The following FANCI variants were observed in gnomAD, a reference collection of about 807,000 sequenced individuals.
FANCI encodes the protein FA complementation group I, also known as Fanconi anemia group I protein.
In FANCI, 156 loss-of-function variants were observed where a neutral mutation model predicts 176.1. The observed-to-expected ratio is 0.89, with a 90% confidence interval of 0.78 to 1.01. The LOEUF is 1.01. Among genes scored for constraint, FANCI ranks in the 50% least tolerant of loss-of-function variants. The pLI is 0.00. For missense variants in FANCI, 1,678 were observed against 1,534.1 expected (o/e 1.09, Z -1.57); for synonymous variants, 613 against 541.7 (o/e 1.13, Z -1.83).
intron 9 of FANCI, 44 bp downstream of exon 9, chr15:89,264,651 A>T (rs750071895): frequency 1.3e-6 from 2 of 1,531,456 alleles, no homozygotes; most frequent in Non-Finnish European, 1.8e-6. Context: ...TTACAAATTC[A>T]TCTTCTCATT....
At chr15:89,291,834 T>C (rs2054082129) in intron 20 of FANCI, 120 bp downstream of exon 20, 3 of 811,314 alleles carry the variant, frequency 3.7e-6, no homozygotes, top group African/African-American at 1.7e-5. Flanking sequence ...AATGTTTACT[T>C]TTAAGTCTTC....
At position 89,303,930 on chromosome 15, in the gene FANCI, A is replaced by G. The variant is rs2054616926; in HGVS notation, c.3058+15A>G. 1.2e-6 allele frequency: 2 copies of G among 1,612,764 alleles called. No individual in the cohort carries two copies. The highest frequency in any genetic ancestry group is 1.7e-5 in the Admixed American group (1 of 60,006). ...AAACAGCCGGGGTAAGTTTACTGCCATGTTTTCCTAAAGGCTTTATATAAA... is the reference window on the plus strand; with the variant it reads ...AAACAGCCGGGGTAAGTTTACTGCCGTGTTTTCCTAAAGGCTTTATATAAA... On this transcript the variant is annotated intron_variant, in intron 28 of 37. Coordinates refer to ENST00000310775, the MANE Select transcript of FANCI (RefSeq NM_001113378.2).
rs139396258 is a variant in FANCI, at chr15:89,290,589, GA to G, written c.1890+311del. ...ACTGTATCCATTATGTTATATTTCT[GA>G]AAGAAAAAAGAAATCCAAAACAAAT... On this transcript the variant is annotated intron_variant, in intron 19 of 37. Transcript: ENST00000310775. The G allele has an allele frequency of 3.6e-3, 993 of 275,054 alleles. 5 individuals carry two copies. Among genetic ancestry groups the G allele is most frequent in the African/African-American group, 0.02 (920 of 46,312 alleles). The allele number at this position is 275,054 out of a possible 1,614,324, so 17.0% of individuals were successfully genotyped here. A position where few individuals can be genotyped will look rare whatever the true frequency, so the allele number is the denominator to read the frequency against.
At chr15:89,309,667 G>A (rs540580924) in intron 34 of FANCI, among the ~76,000 whole-genome samples, 4 of 152,264 alleles carry the variant, frequency 2.6e-5, no homozygotes, top group African/African-American at 9.6e-5. Context: ...AGGCTGCAGT[G>A]AGCCATGATC....
In FANCI at chr15:89,278,707, A is replaced by T. The variant is rs765785557; in HGVS notation, c.1314A>T (p.Gln438His). ...ETFKIHEMIR[Q>H]EILEQVLNRV... is the part of the protein sequence containing the mutation. ...TTTAGATCCATGAGATGATCAGACA[A>T]GAAATTTTGGAGCAGGTCCTCAACA... is the stretch of plus-strand genomic sequence containing the variant. Residue 438 changes from glutamine to histidine, a missense_variant, in exon 14 of 38, where the codon CAA becomes CAT. By Grantham distance (24) the Gln-to-His change is conservative (BLOSUM62 0). Around this residue, in one of 3 missense-constraint regions of FANCI, gnomAD observed 1,204 missense variants for 1,077.4 expected, o/e 1.12. Transcript: ENST00000310775. The T allele has an allele frequency of 1.2e-6, 2 of 1,613,894 alleles. No homozygotes were observed. The highest frequency in any genetic ancestry group is 2.2e-5 in the South Asian group (2 of 91,084).
chr15:89,258,069 AT>A (rs113274691), intron 2 of FANCI, among the ~76,000 whole-genome samples: 6,816 of 144,432 alleles, frequency 0.047, 489 homozygotes, highest in African/African-American at 0.15. Flanking sequence ...AGCCATGTTG[AT>A]TTTTTTTTTT....
chr15:89,256,968 G>A (rs1254519353), intron 2 of FANCI, among the ~76,000 whole-genome samples: 5 of 152,096 alleles, frequency 3.3e-5, no homozygotes, highest in African/African-American at 1.2e-4. Context: ...GTGCAGGGGC[G>A]TGAGCTCGGC....
At chr15:89,291,476 T>C (rs1480554572) in intron 19 of FANCI, 137 bp from the exon 20 acceptor site, 2 of 715,902 alleles carry the variant, frequency 2.8e-6, no homozygotes, top group South Asian at 3.1e-5. Context: ...AATAAAAACT[T>C]GGCTGCATTG....
chr15:89,295,075 A>T lies in FANCI; in HGVS notation c.2617A>T (p.Asn873Tyr). 1 of 1,551,838 alleles carries T rather than the reference A, an allele frequency of 6.4e-7. No homozygotes were observed. Among genetic ancestry groups the T allele is most frequent in the Non-Finnish European group, 8.7e-7 (1 of 1,147,026 alleles). Residue 873 changes from asparagine (N) to tyrosine (Y), a missense_variant, in exon 24 of 38, where the codon AAC becomes TAC. By Grantham distance (143) the Asn-to-Tyr change is moderately radical. Transcript: ENST00000310775. ...CCAAAACCCAGAAAAGATCTTTCAG[A>T]ACCTCTGTGACATAACTCGGTAAGC... ...DGQNPEKIFQ[N>Y]LCDITRVLLW... is the part of the protein sequence containing the mutation.
intron 9 of FANCI, among the ~76,000 whole-genome samples, chr15:89,266,712 G>A (rs985668642): frequency 1.3e-5 from 2 of 150,258 alleles, no homozygotes; most frequent in African/African-American, 2.4e-5. Context: ...AGCTTCAGGC[G>A]ATCTCCTGCC....
chr15:89,258,851 T>C (rs1198619769), intron 3 of FANCI, 75 bp downstream of exon 3: 1 of 1,175,328 alleles, frequency 8.5e-7, no homozygotes. Context: ...GTACTTTTCT[T>C]ACGGTTTGAA....
chr15:89,273,584 C>T, intron 11 of FANCI, 115 bp downstream of exon 11: 1 of 697,466 alleles, frequency 1.4e-6, no homozygotes, highest in Non-Finnish European at 2.5e-6. Context: ...ATTTTATCCC[C>T]TTCCTGCCAG....
chr15:89,296,801 T>TG (rs1435081392), intron 24 of FANCI, among the ~76,000 whole-genome samples: 2 of 115,200 alleles, frequency 1.7e-5, no homozygotes, highest in African/African-American at 6.6e-5. Context: ...GCTGGCCAGG[T>TG]GGGGGGCTGA....
At position 89,245,334 on chromosome 15, in the gene FANCI, A is replaced by ATTTTTTTTT. The variant is rs869076373; in HGVS notation, c.-20+1329_-20+1337dup. The ATTTTTTTTT allele has an allele frequency of 9.4e-4, 34 of 36,170 alleles. 1 individual carries two copies. Among genetic ancestry groups the ATTTTTTTTT allele is most frequent in the Non-Finnish European group, 1.6e-3 (28 of 17,564 alleles). 2.2% of individuals were successfully genotyped at this position (36,170 alleles called of 1,614,324 possible). The stretch of plus-strand genomic sequence containing the variant: ...CAGGTGCGTGCCGTCACGCCCAGCT[A>ATTTTTTTTT]TTTTTTTTTTTTTTTTTTTTTTTTT... On this transcript the variant is annotated intron_variant, in intron 1 of 37. Coordinates refer to ENST00000310775, the MANE Select transcript of FANCI (RefSeq NM_001113378.2).
At chr15:89,245,855 A>G (rs1408227358) in intron 1 of FANCI, 2 of 152,300 alleles carry the variant, frequency 1.3e-5, no homozygotes, top group Non-Finnish European at 2.9e-5. Flanking sequence ...TGTTTCAAAA[A>G]CATCACTTTA....
chr15:89,299,641 T>C (rs1170499282), intron 24 of FANCI, among the ~76,000 whole-genome samples, 159 bp from the exon 25 acceptor site: 1 of 152,226 alleles, frequency 6.6e-6, no homozygotes, highest in Non-Finnish European at 1.5e-5. Flanking sequence ...AGGGAACTTT[T>C]AGAGTGATAG....
chr15:89,264,641 T>A lies in FANCI; in HGVS notation c.755+34T>A, dbSNP rs140200937. On this transcript the variant is annotated intron_variant, in intron 9 of 37. Transcript: ENST00000310775. Reference sequence around the variant, plus strand: ...TATAGTGTAGAAATAAAGATCATTTTTACAAATTCATCTTCTCATTGTGTA... The same window carrying A: ...TATAGTGTAGAAATAAAGATCATTTATACAAATTCATCTTCTCATTGTGTA... 1.2e-5 allele frequency: 19 copies of A among 1,561,514 alleles called. No individual in the cohort carries two copies. In the Admixed American group the frequency reaches 2.3e-4, roughly 19 times the overall value.
At chr15:89,307,785 C>T (rs1005108904) in intron 34 of FANCI, 113 bp downstream of exon 34, 9 of 1,576,914 alleles carry the variant, frequency 5.7e-6, no homozygotes, top group Non-Finnish European at 6.9e-6. Context: ...CCCTGCTTAC[C>T]ACAAGCTGGA....
chr15:89,266,192 G>T (rs1232585118), intron 9 of FANCI, among the ~76,000 whole-genome samples: 1 of 139,996 alleles, frequency 7.1e-6, no homozygotes, highest in African/African-American at 2.7e-5. Context: ...TTGAGATGGA[G>T]TCTCTGTCAC....
Sources: gnomAD v4.1 joint callset for allele counts (sites outside exome capture counted in the v4.1 genomes callset) on GRCh38, gnomAD v4.1.1 for gene constraint, gnomAD v4.1.1 regional missense constraint, MANE v1.5 for transcripts, NCBI Gene and HGNC (gene_info 2026-07-23, HGNC 2026-07-21) for gene names.